CPNE1: variants seen among roughly 807,000 people sequenced by gnomAD.
CPNE1 encodes copine-1.
CPNE1 carries 58 observed loss-of-function variants against 63.2 expected under a neutral mutation model. The observed-to-expected ratio is 0.92, with a 90% CI of 0.74 to 1.14. The LOEUF is 1.14. Ranked by LOEUF, CPNE1 falls within the 50% of genes most tolerant of loss-of-function variation. The pLI, the probability that CPNE1 is intolerant of heterozygous loss-of-function variation, is 0.00. For missense variants in CPNE1, 672 were observed against 661.7 expected, an observed-to-expected ratio of 1.02 and a Z score of -0.17; for synonymous variants, 237 against 249.0, an observed-to-expected ratio of 0.95 and a Z score of 0.45.
At chr20:35,652,265 T>G in intron 1 of CPNE1, 1 of 347,272 alleles carries the variant, frequency 2.9e-6, no homozygotes, top group Non-Finnish European at 5.2e-6. Context: ...GTCATTTGAG[T>G]TTTACAAATG....
chr20:35,643,889 G>A (rs978562965), intron 1 of CPNE1, among the ~76,000 whole-genome samples: 2 of 152,184 alleles, frequency 1.3e-5, no homozygotes, highest in African/African-American at 4.8e-5. Flanking sequence ...CAGAATCCAT[G>A]ACAGAAGACT....
At chr20:35,654,712 G>C (rs767090025) in intron 1 of CPNE1, 10 of 1,613,856 alleles carry the variant, frequency 6.2e-6, no homozygotes, top group Non-Finnish European at 8.5e-6. Context: ...TGGGGGAATG[G>C]ATGGCATTGG....
intron 1 of CPNE1, among the ~76,000 whole-genome samples, chr20:35,658,672 A>G (rs1430076536): frequency 6.6e-6 from 1 of 152,156 alleles, no homozygotes; most frequent in Non-Finnish European, 1.5e-5. Context: ...GAGGCAGAGA[A>G]GTGCTTGAAC....
At chr20:35,654,609 C>A (rs1213531545) in intron 1 of CPNE1, 3 of 1,614,006 alleles carry the variant, frequency 1.9e-6, no homozygotes, top group African/African-American at 1.3e-5. Context: ...ACATGGGTGG[C>A]AGTGGGGTCA....
At chr20:35,654,233 T>C in intron 1 of CPNE1, 1 of 1,614,266 alleles carries the variant, frequency 6.2e-7, no homozygotes, top group Non-Finnish European at 8.5e-7. Flanking sequence ...ATCAGCATTC[T>C]GTTTCGTTTC....
intron 1 of CPNE1, among the ~76,000 whole-genome samples, chr20:35,658,078 AT>A (rs1261093431): frequency 1.3e-5 from 2 of 150,466 alleles, no homozygotes; most frequent in African/African-American, 4.9e-5. Context: ...ACAAATAAAA[AT>A]TTAAAAAAAA....
chr20:35,631,769 C>A lies in CPNE1; in HGVS notation c.546G>T (p.Lys182Asn). 1 of 1,613,816 alleles carries A rather than the reference C, an allele frequency of 6.2e-7. No individual in the cohort carries two copies. The highest frequency in any genetic ancestry group is 1.1e-5 in the South Asian group (1 of 91,044). ...GCTTCCATGTAGGGTTCAGGTTGTT[C>A]TTGATGACCTGAAGGTGGAGGCCAA... ...WHLVYRSEVI[K>N]NNLNPTWKRF... is the part of the protein sequence containing the mutation. The change falls in exon 7 of 16, where the codon AAG becomes AAT. Residue 182 changes from lysine to asparagine, a missense_variant. Lys to Asn is a moderately conservative substitution (Grantham distance 94). Transcript: ENST00000397443.
chr20:35,647,749 C>A (rs1220045269), intron 1 of CPNE1, among the ~76,000 whole-genome samples: 2 of 151,954 alleles, frequency 1.3e-5, no homozygotes, highest in East Asian at 3.9e-4. Flanking sequence ...CCAAGAACAG[C>A]ATGGTAAAGA....
Position 35,632,333 on chromosome 20 carries a change from G to A in CPNE1, c.362C>T (p.Pro121Leu). The change falls in exon 4 of 16, where the codon CCT becomes CTT. Residue 121 changes from proline to leucine, a missense_variant. By Grantham distance (98) the Pro-to-Leu change is moderately conservative. Transcript: ENST00000397443. The stretch of plus-strand genomic sequence containing the variant: ...TACCGTGATGGTCCCCCGCCCAGCA[G>A]GTTTTCCAGGCTTCAGCATCAAGGG... ...TLPLMLKPGK[P>L]AGRGTITVSA... 6.2e-7 allele frequency: 1 copy of A among 1,614,112 alleles called. No individual in the cohort carries two copies. Among genetic ancestry groups the A allele is most frequent in the Non-Finnish European group, 8.5e-7 (1 of 1,180,000 alleles).
chr20:35,629,589 T>C (rs2031985122), intron 13 of CPNE1, among the ~76,000 whole-genome samples: 1 of 152,114 alleles, frequency 6.6e-6, no homozygotes, highest in Non-Finnish European at 1.5e-5. Context: ...CTCAATTTCC[T>C]ATGTTTAGTC....
At chr20:35,659,353 A>T (rs1434328529) in intron 1 of CPNE1, among the ~76,000 whole-genome samples, 1 of 152,222 alleles carries the variant, frequency 6.6e-6, no homozygotes, top group Non-Finnish European at 1.5e-5. Flanking sequence ...CCAGTCCAGA[A>T]AACTCCGTAA....
rs375609784 is a variant in CPNE1 at position 35,644,194 on chromosome 20, G to A, written c.1-11271C>T. Among the ~76,000 whole-genome samples, 79 of 152,278 alleles carry A rather than the reference G, an allele frequency of 5.2e-4. No homozygotes were observed. In the South Asian group the frequency reaches 0.012, roughly 24 times the overall value. On this transcript the variant is annotated intron_variant, in intron 1 of 15. Transcript: ENST00000397443. ...GTCCCTGTAGGTGCTCACAAACAGG[G>A]AAGTGCACCTTTGGGTCCTTCTGCA...
At position 35,652,392 on chromosome 20, in the gene CPNE1, T is replaced by C. The variant is rs998590726; in HGVS notation, c.-1+12368A>G. On this transcript the variant is annotated intron_variant, in intron 1 of 15. Coordinates refer to ENST00000397443, the MANE Select transcript of CPNE1 (RefSeq NM_152925.3). The stretch of plus-strand genomic sequence containing the variant: ...TTCTGTAAACAGTCAACCAATGCTC[T>C]ATGTTATGGAAACCAAGCTATATGC... 7 of 1,035,814 alleles carry C rather than the reference T, an allele frequency of 6.8e-6. No homozygotes were observed. The Admixed American group carries it at 1.7e-4, about 25-fold the overall frequency. The allele number at this position is 1,035,814 out of a possible 1,614,324, so 64.2% of individuals were successfully genotyped here. A position where few individuals can be genotyped will look rare whatever the true frequency, so the allele number is the denominator to read the frequency against.
chr20:35,647,675 G>A (rs899139918), intron 1 of CPNE1, among the ~76,000 whole-genome samples: 4 of 152,092 alleles, frequency 2.6e-5, no homozygotes, highest in Non-Finnish European at 4.4e-5. Context: ...ATCCAGAAAA[G>A]GAGTCATACT....
rs760493727 is a variant in CPNE1 at position 35,631,590 on chromosome 20, G to C, written c.628-12C>G. The C allele has an allele frequency of 8.1e-6, 13 of 1,612,586 alleles. No homozygotes were observed. The Admixed American group carries it at 2.0e-4, about 25-fold the overall frequency. ...TCGGAGCATTGCACCTGAGGGAAAG[G>C]TGTGTGTGGACATAAACAAGCCAGG... On this transcript the variant is annotated splice_polypyrimidine_tract_variant and intron_variant, in intron 7 of 15. Transcript: ENST00000397443.
At chr20:35,643,954 G>A (rs2032968413) in intron 1 of CPNE1, among the ~76,000 whole-genome samples, 1 of 152,154 alleles carries the variant, frequency 6.6e-6, no homozygotes, top group Admixed American at 6.5e-5. Context: ...GGGGATAGTT[G>A]AGGGAGGGTT....
At chr20:35,644,014 C>T (rs1423385799) in intron 1 of CPNE1, among the ~76,000 whole-genome samples, 2 of 152,126 alleles carry the variant, frequency 1.3e-5, no homozygotes, top group African/African-American at 4.8e-5. Flanking sequence ...TCTTTGTTTT[C>T]CCCTTACTAT....
intron 1 of CPNE1, among the ~76,000 whole-genome samples, chr20:35,636,915 A>T (rs987372122): frequency 6.6e-6 from 1 of 152,240 alleles, no homozygotes; most frequent in African/African-American, 2.4e-5. Context: ...AAAATAGAAG[A>T]TGCATCAAAT....
chr20:35,654,310 T>A (rs1274854687), intron 1 of CPNE1: 1 of 1,614,192 alleles, frequency 6.2e-7, no homozygotes. Flanking sequence ...TCGACCTACA[T>A]GATCTTTCAA....
Sources: gnomAD v4.1 joint callset for allele counts (sites outside exome capture counted in the v4.1 genomes callset) on GRCh38, gnomAD v4.1.1 for gene constraint, MANE v1.5 for transcripts, NCBI Gene and HGNC (gene_info 2026-07-23, HGNC 2026-07-21) for gene names.